Variants in FARP1 observed in about 807,000 individuals in gnomAD.
FARP1 encodes FERM, ARHGEF and pleckstrin domain-containing protein 1.
FARP1 carries 52 observed loss-of-function variants against 128.8 expected under a neutral mutation model. The ratio of observed to expected loss-of-function variants is 0.40; its 90% CI spans 0.32 to 0.51. The LOEUF is 0.51. Among genes scored for constraint, FARP1 ranks in the 20% least tolerant of loss-of-function variants. The pLI is 0.45. For missense variants in FARP1, 1,333 were observed against 1,367.9 expected (o/e 0.97, Z 0.40); for synonymous variants, 580 against 551.8 (o/e 1.05, Z -0.72).
intron 1 of FARP1, among the ~76,000 whole-genome samples, chr13:98,212,117 G>A (rs1322801726): frequency 2.0e-5 from 3 of 152,212 alleles, no homozygotes; most frequent in Admixed American, 6.5e-5. Flanking sequence ...GTGCAGTGGT[G>A]CAATGTTGGC....
At chr13:98,343,919 G>A in intron 3 of FARP1, 53 bp downstream of exon 3, 2 of 1,216,248 alleles carry the variant, frequency 1.6e-6, no homozygotes, top group South Asian at 1.2e-5. Flanking sequence ...ATCTTGGTGG[G>A]GGGCTGGGCA....
At chr13:98,371,496 G>A (rs981783505) in intron 5 of FARP1, among the ~76,000 whole-genome samples, 6 of 152,034 alleles carry the variant, frequency 3.9e-5, no homozygotes, top group Non-Finnish European at 7.4e-5. Flanking sequence ...CATTTAAGAA[G>A]TCTTTTCCAA....
rs566552385 is a variant in FARP1, at chr13:98,237,882, G to T, written c.171+24469G>T. On this transcript the variant is annotated intron_variant, in intron 2 of 26. Transcript: ENST00000319562. The stretch of plus-strand genomic sequence containing the variant: ...TCAAGTGGTCGCTATGGCTACATCA[G>T]CAGGTCTGAAAACCTTGTGCTTTTT... Among the ~76,000 whole-genome samples, 19 of 152,270 alleles carry T rather than the reference G, an allele frequency of 1.2e-4. No homozygotes were observed. The East Asian group carries it at 3.7e-3, about 29-fold the overall frequency.
At chr13:98,386,310 A>G (rs1375659453) in intron 8 of FARP1, among the ~76,000 whole-genome samples, 1 of 151,904 alleles carries the variant, frequency 6.6e-6, no homozygotes, top group Non-Finnish European at 1.5e-5. Flanking sequence ...ATAAATTCAT[A>G]AAAGCCACAT....
chr13:98,396,684 G>C (rs1371584154), intron 13 of FARP1: 1 of 392,308 alleles, frequency 2.5e-6, no homozygotes, highest in African/African-American at 2.1e-5. Flanking sequence ...CACATAAGTG[G>C]CTTGCTTTCC....
intron 21 of FARP1, 130 bp from the exon 22 acceptor site, chr13:98,439,831 G>T: frequency 1.5e-6 from 1 of 659,014 alleles, no homozygotes; most frequent in South Asian, 2.2e-5. Flanking sequence ...TTCTCCCTCT[G>T]TGGGGCTCTG....
At chr13:98,376,329 A>G (rs371760437) in intron 5 of FARP1, among the ~76,000 whole-genome samples, 3 of 152,010 alleles carry the variant, frequency 2.0e-5, no homozygotes, top group Non-Finnish European at 4.4e-5. Flanking sequence ...CATGAGTTCA[A>G]TTGTTTTAAT....
chr13:98,365,345 A>G (rs533180826), intron 3 of FARP1, 50 bp from the exon 4 acceptor site: 14 of 1,375,690 alleles, frequency 1.0e-5, no homozygotes, highest in African/African-American at 4.3e-5. Context: ...AAATACTTGC[A>G]CTCTTTCATT....
At chr13:98,243,301 G>A (rs1167348074) in intron 2 of FARP1, among the ~76,000 whole-genome samples, 1 of 152,106 alleles carries the variant, frequency 6.6e-6, no homozygotes, top group African/African-American at 2.4e-5. Context: ...AAAGCGTGGT[G>A]CATTGTGGAA....
At chr13:98,358,675 AC>A (rs2139938323) in intron 3 of FARP1, among the ~76,000 whole-genome samples, 1 of 152,014 alleles carries the variant, frequency 6.6e-6, no homozygotes, top group Admixed American at 6.6e-5. Context: ...TCACTCTGTC[AC>A]CCAGGCTGGA....
chr13:98,280,876 T>C (rs1362261053), intron 2 of FARP1, among the ~76,000 whole-genome samples: 1 of 152,230 alleles, frequency 6.6e-6, no homozygotes, highest in African/African-American at 2.4e-5. Context: ...ATGGCTGGGT[T>C]CGTTCTGAGA....
Position 98,389,962 on chromosome 13 carries a change from G to A in FARP1, c.861G>A (p.Ala287=), listed in dbSNP as rs747125925. 1.2e-5 allele frequency: 19 copies of A among 1,613,916 alleles called. No individual in the cohort carries two copies. Among genetic ancestry groups the A allele is most frequent in the Middle Eastern group, 1.6e-4 (1 of 6,084 alleles). The change falls in exon 10 of 27, where the codon GCG becomes GCA. Residue 287 remains alanine, a synonymous_variant. Transcript: ENST00000319562. ...GTTGTATTTTCCCTTTTTAGAGTGC[G>A]TACCAGGATACCTTGGAATTCCTGA... ...LIKLRPDANS[A]YQDTLEFLMA...
intron 2 of FARP1, among the ~76,000 whole-genome samples, chr13:98,273,934 A>G (rs1884508279): frequency 6.6e-6 from 1 of 152,314 alleles, no homozygotes; most frequent in South Asian, 2.1e-4. Context: ...GGTCAATGAC[A>G]GACTTAGCCA....
chr13:98,333,621 C>G lies in FARP1; in HGVS notation c.172-10141C>G, dbSNP rs549598613. 3 of 152,426 alleles carry G rather than the reference C, an allele frequency of 2.0e-5. No homozygotes were observed. The East Asian group carries it at 5.8e-4, about 29-fold the overall frequency. The allele number at this position is 152,426 out of a possible 1,614,324, so 9.4% of individuals were successfully genotyped here. A position where few individuals can be genotyped will look rare whatever the true frequency, so the allele number is the denominator to read the frequency against. On this transcript the variant is annotated intron_variant, in intron 2 of 26. Transcript: ENST00000319562. ...CAGCCTGGAGTCGGGGACTCTGAAA[C>G]CTAATCTGAAGTGTGTTTAACGAGG... is the stretch of plus-strand genomic sequence containing the variant.
intron 2 of FARP1, among the ~76,000 whole-genome samples, chr13:98,285,115 A>G (rs1243547670): frequency 6.6e-6 from 1 of 152,192 alleles, no homozygotes; most frequent in African/African-American, 2.4e-5. Context: ...GTGCTCATGG[A>G]AATGCATTCC....
At chr13:98,362,125 A>AT in intron 3 of FARP1, among the ~76,000 whole-genome samples, 1 of 152,286 alleles carries the variant, frequency 6.6e-6, no homozygotes, top group African/African-American at 2.4e-5. Flanking sequence ...TTAGCCAGGC[A>AT]TGGTGGCATG....
intron 3 of FARP1, among the ~76,000 whole-genome samples, chr13:98,347,094 C>T (rs2139889977): frequency 6.6e-6 from 1 of 152,292 alleles, no homozygotes; most frequent in South Asian, 2.1e-4. Context: ...AGCATCTCAC[C>T]TTGTGAGAAT....
intron 2 of FARP1, among the ~76,000 whole-genome samples, chr13:98,219,266 C>T (rs1240988467): frequency 6.6e-6 from 1 of 152,186 alleles, no homozygotes. Flanking sequence ...CAGTTGACAT[C>T]AGGAGCTGGG....
Position 98,438,791 on chromosome 13 carries a change from G to C in FARP1, c.2275-13G>C, listed in dbSNP as rs377439606. ...ACGCTCGCAGCCAGCCCTCCGGTCT[G>C]TCTCCCCTGCAGGAGTTCATCCGTC... On this transcript the variant is annotated splice_polypyrimidine_tract_variant and intron_variant, in intron 19 of 26. Coordinates refer to ENST00000319562, the MANE Select transcript of FARP1 (RefSeq NM_005766.4). 1.1e-5 allele frequency: 18 copies of C among 1,611,444 alleles called. No homozygotes were observed. The South Asian group carries it at 1.2e-4, about 11-fold the overall frequency.
Sources: gnomAD v4.1 joint callset for allele counts (sites outside exome capture counted in the v4.1 genomes callset) on GRCh38, gnomAD v4.1.1 for gene constraint, MANE v1.5 for transcripts, NCBI Gene and HGNC (gene_info 2026-07-23, HGNC 2026-07-21) for gene names.